Variants in TEX14 observed in about 807,000 individuals in gnomAD.
The protein encoded by TEX14 is inactive serine/threonine-protein kinase TEX14.
TEX14 carries 168 observed loss-of-function variants against 178.6 expected under a neutral mutation model. That is an observed-to-expected ratio of 0.94 (90% confidence interval 0.83 to 1.07). The LOEUF (loss-of-function observed/expected upper bound fraction) is 1.07, where lower values mean the gene tolerates loss of function less well. Ranked by LOEUF, TEX14 falls within the 50% of genes least tolerant of loss-of-function variation. The pLI is 0.00. For missense variants in TEX14, 1,730 were observed against 1,753.6 expected (o/e 0.99, Z 0.24); for synonymous variants, 626 against 634.1 (o/e 0.99, Z 0.19).
intron 10 of TEX14, among the ~76,000 whole-genome samples, chr17:58,608,066 T>C (rs2045652535): frequency 6.6e-6 from 1 of 152,130 alleles, no homozygotes; most frequent in Non-Finnish European, 1.5e-5. Flanking sequence ...GCAGATCGCA[T>C]GAGTCCAGGA....
chr17:58,634,859 T>C (rs1017117980), intron 2 of TEX14, among the ~76,000 whole-genome samples: 1 of 152,150 alleles, frequency 6.6e-6, no homozygotes, highest in African/African-American at 2.4e-5. Context: ...CAGCCAGGCA[T>C]GGTGGCTCAC....
At chr17:58,576,600 AT>A (rs1162746652) in intron 21 of TEX14, among the ~76,000 whole-genome samples, 3 of 152,236 alleles carry the variant, frequency 2.0e-5, no homozygotes, top group Non-Finnish European at 4.4e-5. Context: ...GGATATTGAC[AT>A]TGATACAGTC....
chr17:58,658,538 C>T (rs996123182), intron 1 of TEX14, among the ~76,000 whole-genome samples: 5 of 137,092 alleles, frequency 3.6e-5, no homozygotes, highest in Admixed American at 7.3e-5. Flanking sequence ...TACAGATGTG[C>T]GCCACCATGC....
At chr17:58,602,356 A>G in intron 12 of TEX14, 44 bp downstream of exon 12, 1 of 1,544,796 alleles carries the variant, frequency 6.5e-7, no homozygotes, top group South Asian at 1.2e-5. Context: ...TATTCTCCTG[A>G]GTTAGGTAAG....
chr17:58,658,280 A>G (rs2047011290), intron 1 of TEX14, among the ~76,000 whole-genome samples: 1 of 152,102 alleles, frequency 6.6e-6, no homozygotes, highest in Admixed American at 6.6e-5. Context: ...GGCAGCAGGC[A>G]AGGTGAACCC....
chr17:58,652,093 C>T, intron 1 of TEX14, 91 bp from the exon 2 acceptor site: 1 of 977,972 alleles, frequency 1.0e-6, no homozygotes, highest in South Asian at 2.6e-5. Context: ...ACCTGTCCAG[C>T]CACCTTCATT....
chr17:58,600,171 C>T (rs1265231365), intron 13 of TEX14, among the ~76,000 whole-genome samples: 1 of 152,162 alleles, frequency 6.6e-6, no homozygotes, highest in Non-Finnish European at 1.5e-5. Flanking sequence ...GCCTTCTTTT[C>T]ACACAAAAGA....
rs2045372411 is a variant in TEX14 at position 58,599,383 on chromosome 17, T to C, written c.1962A>G (p.Val654=). The C allele has an allele frequency of 6.2e-7, 1 of 1,614,122 alleles. No individual in the cohort carries two copies. The highest frequency in any genetic ancestry group is 8.5e-7 in the Non-Finnish European group (1 of 1,180,054). ...CTTCTTCCATGGATTTCAGTTCATC[T>C]ACCTGGTTAGGTCCGTCTGCCTCCA... The part of the protein sequence containing the change: ...SSLEADGPNQ[V]DELKSMEEEL... Residue 654 remains valine, a synonymous_variant, in exon 14 of 32, where the codon GTA becomes GTG. Coordinates refer to ENST00000349033, the MANE Select transcript of TEX14 (RefSeq NM_031272.5).
At chr17:58,568,556 C>T (rs1399249527) in intron 26 of TEX14, among the ~76,000 whole-genome samples, 1 of 152,136 alleles carries the variant, frequency 6.6e-6, no homozygotes, top group African/African-American at 2.4e-5. Flanking sequence ...AAGAAAGGCG[C>T]AGTCAAGTCT....
At chr17:58,672,561 G>A (rs1464008095) in intron 1 of TEX14, among the ~76,000 whole-genome samples, 2 of 152,164 alleles carry the variant, frequency 1.3e-5, no homozygotes, top group Non-Finnish European at 2.9e-5. Context: ...AGCCTCCCGA[G>A]TAGCTGGGAT....
At chr17:58,567,323 C>T (rs910174437) in intron 26 of TEX14, among the ~76,000 whole-genome samples, 2 of 152,142 alleles carry the variant, frequency 1.3e-5, no homozygotes, top group African/African-American at 2.4e-5. Flanking sequence ...ACCCTGAGCT[C>T]GTTGGCATGG....
At chr17:58,567,505 T>C (rs2044427422) in intron 26 of TEX14, among the ~76,000 whole-genome samples, 4 of 152,188 alleles carry the variant, frequency 2.6e-5, no homozygotes, top group Admixed American at 2.6e-4. Context: ...TAAATGATCA[T>C]CTGTATCCTA....
chr17:58,569,338 A>G lies in TEX14; in HGVS notation c.3818-78T>C. On this transcript the variant is annotated intron_variant, in intron 25 of 31. Coordinates refer to ENST00000349033, the MANE Select transcript of TEX14 (RefSeq NM_031272.5). The surrounding 1 kb of genome is among the most constrained non-coding windows in gnomAD (Gnocchi z 4.1). ...GAACTGAATTTTTCTCGGCTCTCAC[A>G]TAGACTTGACTGAGGATTTCTCTCA... 4 of 1,092,274 alleles carry G rather than the reference A, an allele frequency of 3.7e-6. No individual in the cohort carries two copies. Among genetic ancestry groups the G allele is most frequent in the South Asian group, 1.3e-5 (1 of 75,828 alleles). The allele number at this position is 1,092,274 out of a possible 1,614,324, so 67.7% of individuals were successfully genotyped here. A position where few individuals can be genotyped will look rare whatever the true frequency, so the allele number is the denominator to read the frequency against.
intron 17 of TEX14, 52 bp downstream of exon 17, chr17:58,587,529 A>C: frequency 8.8e-7 from 1 of 1,131,972 alleles, no homozygotes; most frequent in Non-Finnish European, 1.3e-6. Flanking sequence ...CCACATTAGA[A>C]ATATACTTTA....
rs1343651256 is a variant in TEX14 at position 58,611,184 on chromosome 17, G to T, written c.1161C>A (p.Thr387=). The T allele has an allele frequency of 6.2e-7, 1 of 1,613,720 alleles. No homozygotes were observed. The highest frequency in any genetic ancestry group is 1.1e-5 in the South Asian group (1 of 91,046). Residue 387 remains threonine (T), a synonymous_variant, in exon 10 of 32, where the codon ACC becomes ACA. Coordinates refer to ENST00000349033, the MANE Select transcript of TEX14 (RefSeq NM_031272.5). The part of the protein sequence containing the change: ...HIISPGEARL[T]NLEYMLESED... ...ACCTTTCCAACATGTACTCCAGGTT[G>T]GTCAGCCTCGCTTCACCTGGGGAGA...
intron 1 of TEX14, among the ~76,000 whole-genome samples, chr17:58,678,729 C>G (rs1029381742): frequency 6.6e-6 from 1 of 151,334 alleles, no homozygotes; most frequent in African/African-American, 2.4e-5. Flanking sequence ...ATGTAAATGA[C>G]GAGTTAATGG....
At chr17:58,597,074 G>C (rs987568560) in intron 14 of TEX14, among the ~76,000 whole-genome samples, 1 of 152,152 alleles carries the variant, frequency 6.6e-6, no homozygotes, top group Non-Finnish European at 1.5e-5. Context: ...AGAGGTGGCA[G>C]GGAGAGCTAT....
chr17:58,592,480 G>A (rs1396939492), intron 15 of TEX14, among the ~76,000 whole-genome samples: 15 of 152,048 alleles, frequency 9.9e-5, no homozygotes, highest in African/African-American at 2.7e-4. Flanking sequence ...GACTATAGGC[G>A]CCCGCCACCA....
At chr17:58,593,527 C>T (rs2045208252) in intron 15 of TEX14, 28 bp downstream of exon 15, 1 of 1,541,554 alleles carries the variant, frequency 6.5e-7, no homozygotes, top group African/African-American at 1.4e-5. Flanking sequence ...GGCATAGTGA[C>T]ATTAAGAACA....
Sources: allele counts gnomAD v4.1 joint callset (sites outside exome capture counted in the v4.1 genomes callset), GRCh38; gene constraint gnomAD v4.1.1; non-coding constraint Gnocchi (gnomAD v3.1); transcripts MANE v1.5; gene names NCBI Gene and HGNC (gene_info 2026-07-23, HGNC 2026-07-21).